Variants in LMCD1 observed in about 807,000 individuals in gnomAD.
LMCD1 encodes LIM and cysteine-rich domains protein 1.
A neutral mutation model predicts 42.7 loss-of-function variants in LMCD1; 32 were observed. That is an observed-to-expected ratio of 0.75 (90% CI 0.57 to 1.01). The LOEUF is 1.01. LMCD1 is among the 50% of genes least tolerant of loss of function. The probability of loss-of-function intolerance (pLI) is 0.00; values close to 1 mark genes in which losing one functional copy is unlikely to be tolerated. For synonymous variants in LMCD1, 178 were observed against 184.9 expected, an observed-to-expected ratio of 0.96 and a Z score of 0.30; for missense variants, 458 against 483.1, an observed-to-expected ratio of 0.95 and a Z score of 0.49.
rs558628072 is a variant in LMCD1, at chr3:8,503,471, C to T, written c.42+1491C>T. On this transcript the variant is annotated intron_variant, in intron 1 of 5. Transcript: ENST00000157600. ...TCCCCTCCTACAGAAATTACCATAA[C>T]ATTTTAGACTCTTAGAAGATACCTA... Among the ~76,000 whole-genome samples, 4 of 152,348 alleles carry T rather than the reference C, an allele frequency of 2.6e-5. No individual in the cohort carries two copies. The South Asian group carries it at 8.3e-4, about 32-fold the overall frequency.
chr3:8,504,932 C>T (rs1693847390), intron 1 of LMCD1, among the ~76,000 whole-genome samples: 1 of 152,196 alleles, frequency 6.6e-6, no homozygotes, highest in African/African-American at 2.4e-5. Flanking sequence ...GTCCCAGCTC[C>T]CCCACTTACT....
intron 4 of LMCD1, among the ~76,000 whole-genome samples, chr3:8,556,680 GTCCC>G (rs1436135286): frequency 9.2e-5 from 14 of 152,278 alleles, no homozygotes; most frequent in African/African-American, 3.4e-4. Context: ...CTGAGACTCC[GTCCC>G]TGCTCAGCTG....
intron 1 of LMCD1, among the ~76,000 whole-genome samples, chr3:8,517,791 G>T (rs932300188): frequency 1.1e-4 from 17 of 152,210 alleles, no homozygotes; most frequent in African/African-American, 3.9e-4. Context: ...TATTGCATTT[G>T]TTGTGGTTAC....
chr3:8,517,895 A>G (rs1463584789), intron 1 of LMCD1, among the ~76,000 whole-genome samples: 3 of 152,246 alleles, frequency 2.0e-5, no homozygotes, highest in East Asian at 3.8e-4. Flanking sequence ...CACAGATGGT[A>G]TATGGAGAAC....
intron 3 of LMCD1, among the ~76,000 whole-genome samples, chr3:8,547,081 T>A (rs1043920080): frequency 1.1e-4 from 16 of 152,236 alleles, no homozygotes; most frequent in Non-Finnish European, 1.9e-4. Flanking sequence ...CTCCTTTTTC[T>A]TTCCACTGCC....
In LMCD1 at chr3:8,573,691, T is replaced by C. The variant is rs934657759; in HGVS notation, c.*6093T>C. 13 of 152,200 alleles carry C rather than the reference T, an allele frequency of 8.5e-5. No homozygotes were observed. The highest frequency in any genetic ancestry group is 3.1e-4 in the African/African-American group (13 of 41,452). 9.4% of individuals were successfully genotyped at this position (152,200 alleles called of 1,614,324 possible). ...AGTTTAAAGCAAAACGATCTCCTGG[T>C]CTGATTCCTTTGGGTCTCTAATAAT... On this transcript the variant is annotated 3_prime_UTR_variant, in exon 6 of 6. Coordinates refer to ENST00000157600, the MANE Select transcript of LMCD1 (RefSeq NM_014583.4).
At chr3:8,523,004 A>G (rs1430888306) in intron 1 of LMCD1, among the ~76,000 whole-genome samples, 1 of 152,194 alleles carries the variant, frequency 6.6e-6, no homozygotes, top group Non-Finnish European at 1.5e-5. Context: ...AATAGGAAAA[A>G]TCATGGAATC....
At chr3:8,528,911 GATA>G (rs1337378638) in intron 1 of LMCD1, among the ~76,000 whole-genome samples, 1 of 152,016 alleles carries the variant, frequency 6.6e-6, no homozygotes, top group African/African-American at 2.4e-5. Context: ...TCAGTTTCAC[GATA>G]ATATCAAATG....
chr3:8,562,497 C>G (rs541635590), intron 4 of LMCD1, among the ~76,000 whole-genome samples: 3 of 152,198 alleles, frequency 2.0e-5, no homozygotes, highest in East Asian at 1.9e-4. Flanking sequence ...GCTGTGCCCC[C>G]CTTCACAAGC....
chr3:8,530,401 T>TGTG (rs1305266368), intron 1 of LMCD1, among the ~76,000 whole-genome samples: 1 of 152,240 alleles, frequency 6.6e-6, no homozygotes, highest in Non-Finnish European at 1.5e-5. Context: ...AGTGCTCTGC[T>TGTG]CTGCTCTGCT....
chr3:8,566,170 A>G (rs1202525980), intron 5 of LMCD1, among the ~76,000 whole-genome samples: 4 of 149,664 alleles, frequency 2.7e-5, no homozygotes, highest in Admixed American at 1.3e-4. Flanking sequence ...ATAATATACT[A>G]TAATATGAGA....
At chr3:8,559,934 G>A (rs1279737099) in intron 4 of LMCD1, among the ~76,000 whole-genome samples, 1 of 152,240 alleles carries the variant, frequency 6.6e-6, no homozygotes, top group Non-Finnish European at 1.5e-5. Context: ...GGATGCTAGG[G>A]AGAACAGTGA....
At chr3:8,556,313 G>C (rs1694932798) in intron 4 of LMCD1, among the ~76,000 whole-genome samples, 1 of 152,196 alleles carries the variant, frequency 6.6e-6, no homozygotes, top group Non-Finnish European at 1.5e-5. Context: ...CATCAATTTA[G>C]TGGACTACAA....
chr3:8,562,898 G>C (rs143566715), intron 4 of LMCD1, among the ~76,000 whole-genome samples: 198 of 152,308 alleles, frequency 1.3e-3, no homozygotes, highest in African/African-American at 4.7e-3. Flanking sequence ...CAGTAAACAT[G>C]GATGAGCCCC....
chr3:8,506,020 T>C (rs531426250), intron 1 of LMCD1, among the ~76,000 whole-genome samples: 1 of 152,218 alleles, frequency 6.6e-6, no homozygotes, highest in Non-Finnish European at 1.5e-5. Context: ...TAGAGCCTTG[T>C]TTTTTAAAAA....
chr3:8,520,709 T>C (rs1694188945), intron 1 of LMCD1, among the ~76,000 whole-genome samples: 1 of 152,220 alleles, frequency 6.6e-6, no homozygotes, highest in Non-Finnish European at 1.5e-5. Flanking sequence ...ACAATTGTGT[T>C]GGAGCCTCTG....
chr3:8,525,292 T>A (rs1463387411), intron 1 of LMCD1, among the ~76,000 whole-genome samples: 3 of 152,220 alleles, frequency 2.0e-5, no homozygotes, highest in African/African-American at 7.2e-5. Context: ...TCATTATTTG[T>A]CTTTCTGTGC....
intron 1 of LMCD1, among the ~76,000 whole-genome samples, chr3:8,525,894 T>A (rs559373141): frequency 1.1e-4 from 17 of 152,258 alleles, no homozygotes; most frequent in African/African-American, 3.9e-4. Context: ...GCAGCCCAAG[T>A]TTTGGAAGCA....
At chr3:8,516,508 T>C (rs76056745) in intron 1 of LMCD1, among the ~76,000 whole-genome samples, 7,277 of 152,214 alleles carry the variant, frequency 0.048, 303 homozygotes, top group African/African-American at 0.11. Context: ...AAGTACATGC[T>C]CTTTGAAGTG....
Sources: allele counts gnomAD v4.1 joint callset (sites outside exome capture counted in the v4.1 genomes callset), GRCh38; gene constraint gnomAD v4.1.1; transcripts MANE v1.5; gene names NCBI Gene and HGNC (gene_info 2026-07-23, HGNC 2026-07-21).